Variants in HERC2 observed in about 807,000 individuals in gnomAD.
The protein encoded by HERC2 is E3 ubiquitin-protein ligase HERC2.
In HERC2, 102 loss-of-function variants were observed where a neutral mutation model predicts 537.7. That is an observed-to-expected ratio of 0.19 (90% confidence interval 0.16 to 0.22). HERC2 has a LOEUF of 0.22. HERC2 is among the 10% of genes least tolerant of loss of function. The pLI, the probability that HERC2 is intolerant of heterozygous loss-of-function variation, is 1.00. For missense variants in HERC2, 4,236 were observed against 6,198.2 expected (o/e 0.68, Z 10.63); for synonymous variants, 2,224 against 2,466.2 (o/e 0.90, Z 2.91).
intron 4 of HERC2, among the ~76,000 whole-genome samples, chr15:28,286,558 A>G (rs185943000): frequency 6.6e-6 from 1 of 152,350 alleles, no homozygotes; most frequent in African/African-American, 2.4e-5. Flanking sequence ...ACAAAATTCA[A>G]TACTCATGAA....
chr15:28,148,157 G>C (rs1460289583), intron 70 of HERC2, among the ~76,000 whole-genome samples: 1 of 151,930 alleles, frequency 6.6e-6, no homozygotes, highest in Non-Finnish European at 1.5e-5. Flanking sequence ...AAAACAAATT[G>C]AGTGAAATTA....
intron 2 of HERC2, among the ~76,000 whole-genome samples, chr15:28,315,007 T>C (rs973197757): frequency 3.3e-5 from 5 of 152,190 alleles, no homozygotes; most frequent in African/African-American, 1.2e-4. Context: ...ACGGCCCACA[T>C]AAACATTTAC....
At chr15:28,314,018 T>C (rs1416392144) in intron 2 of HERC2, among the ~76,000 whole-genome samples, 1 of 152,170 alleles carries the variant, frequency 6.6e-6, no homozygotes, top group Admixed American at 6.5e-5. Context: ...TAGACCAGCC[T>C]TTACGGAAAA....
Position 28,180,267 on chromosome 15 carries a change from A to C in HERC2, c.8938-1044T>G, listed in dbSNP as rs1198603741. On this transcript the variant is annotated intron_variant, in intron 57 of 92. Coordinates refer to ENST00000261609, the MANE Select transcript of HERC2 (RefSeq NM_004667.6). ...TTCCATGTTGTAGCCTAGAAGCAAC[A>C]GGCTATACCATATAGCCTGAGTGTG... Among the ~76,000 whole-genome samples, 3 of 152,368 alleles carry C rather than the reference A, an allele frequency of 2.0e-5. No individual in the cohort carries two copies. The East Asian group carries it at 5.8e-4, about 29-fold the overall frequency.
At chr15:28,262,859 T>A (rs2075451672) in intron 15 of HERC2, 59 bp downstream of exon 15, 1 of 1,544,636 alleles carries the variant, frequency 6.5e-7, no homozygotes, top group African/African-American at 1.4e-5. Context: ...CCTGCTAACT[T>A]TAAAACATTA....
intron 44 of HERC2, 68 bp downstream of exon 44, chr15:28,210,934 T>A (rs1899140960): frequency 1.9e-6 from 2 of 1,060,570 alleles, no homozygotes; most frequent in East Asian, 2.3e-5. Context: ...ATGAACTGAT[T>A]ATTCACTTCC....
intron 48 of HERC2, among the ~76,000 whole-genome samples, chr15:28,199,376 A>G (rs955562260): frequency 3.9e-5 from 6 of 152,162 alleles, no homozygotes; most frequent in African/African-American, 1.2e-4. Context: ...GAAACATCAC[A>G]CCCTAAAAGC....
Position 28,236,921 on chromosome 15 carries a change from A to G in HERC2, c.4003+42T>C, listed in dbSNP as rs756436168. On this transcript the variant is annotated intron_variant, in intron 26 of 92. Transcript: ENST00000261609. ...CTCTTAATGGCACTTACAGTTCAAA[A>G]AAAATAATCTGCTGATCAGCAAAAA... The G allele has an allele frequency of 5.2e-5, 84 of 1,602,302 alleles. 1 individual carries two copies. The South Asian group carries it at 8.9e-4, about 17-fold the overall frequency.
intron 55 of HERC2, 124 bp from the exon 56 acceptor site, chr15:28,186,876 T>C: frequency 1.7e-6 from 1 of 575,974 alleles, no homozygotes; most frequent in Non-Finnish European, 3.0e-6. Context: ...ACTTCAGTTC[T>C]GGAAATATCA....
chr15:28,129,719 C>T (rs1449289043), intron 83 of HERC2, among the ~76,000 whole-genome samples: 2 of 151,386 alleles, frequency 1.3e-5, no homozygotes, highest in East Asian at 1.9e-4. Context: ...CTGAAGATGA[C>T]AGGGCCAAAG....
intron 68 of HERC2, among the ~76,000 whole-genome samples, chr15:28,164,092 A>G (rs1271910206): frequency 6.6e-6 from 1 of 152,202 alleles, no homozygotes; most frequent in Non-Finnish European, 1.5e-5. Flanking sequence ...CCGACCCAGC[A>G]TGGGAACCGC....
intron 69 of HERC2, among the ~76,000 whole-genome samples, chr15:28,156,873 A>G (rs1893066358): frequency 6.6e-6 from 1 of 152,144 alleles, no homozygotes; most frequent in South Asian, 2.1e-4. Context: ...ATTCAGTATG[A>G]TATTGGCTGT....
At position 28,318,129 on chromosome 15, in the gene HERC2, A is replaced by C. The variant is rs530238342; in HGVS notation, c.72+3233T>G. On this transcript the variant is annotated intron_variant, in intron 2 of 92. Coordinates refer to ENST00000261609, the MANE Select transcript of HERC2 (RefSeq NM_004667.6). ...TTTAAGAATAAAAAGCTTTTAAGGT[A>C]TCATATATTGTTTTTTATAGTTCCT... 7.0e-4 allele frequency among the ~76,000 whole-genome samples: 107 copies of C among 152,308 alleles called. No individual in the cohort carries two copies. The South Asian group carries it at 0.01, about 15-fold the overall frequency.
At chr15:28,223,348 C>T (rs1459126256) in intron 35 of HERC2, among the ~76,000 whole-genome samples, 1 of 152,116 alleles carries the variant, frequency 6.6e-6, no homozygotes, top group Non-Finnish European at 1.5e-5. Flanking sequence ...GAAAAAGACC[C>T]AAACAGTCCC....
chr15:28,128,524 C>G (rs1482983825), intron 83 of HERC2, among the ~76,000 whole-genome samples: 1 of 152,182 alleles, frequency 6.6e-6, no homozygotes, highest in Non-Finnish European at 1.5e-5. Flanking sequence ...CCACTACAGG[C>G]CACAGAAGTT....
In HERC2 at chr15:28,228,219, A is replaced by T. The variant is rs763396275; in HGVS notation, c.5463T>A (p.Ile1821=). ...LALTQTALRL[I]GPSCDNVEED... The stretch of plus-strand genomic sequence containing the variant: ...GCGCTCAAGCGGGTGCAGACCTACC[A>T]ATCAGGCGCAGTGCCGTCTGCGTGA... Residue 1821 remains isoleucine, a splice_region_variant and synonymous_variant, in exon 35 of 93, where the codon ATT becomes ATA. Coordinates refer to ENST00000261609, the MANE Select transcript of HERC2 (RefSeq NM_004667.6). 1.9e-6 allele frequency: 3 copies of T among 1,613,272 alleles called. No individual in the cohort carries two copies. The highest frequency in any genetic ancestry group is 2.5e-6 in the Non-Finnish European group (3 of 1,179,730).
rs759873703 is a variant in HERC2, at chr15:28,256,179, C to T, written c.2656G>A (p.Ala886Thr). ...CAGCCACTCTGCAGCACGGCCTGGG[C>T]GGCCGACTGCACGGTGCTCAGCACG... ...AGVLSTVQSA[A>T]QAVLQSGWSV... Residue 886 changes from alanine to threonine, a missense_variant, in exon 18 of 93, where the codon GCC becomes ACC. Coordinates refer to ENST00000261609, the MANE Select transcript of HERC2 (RefSeq NM_004667.6). The T allele has an allele frequency of 6.2e-7, 1 of 1,601,404 alleles. No homozygotes were observed. The highest frequency in any genetic ancestry group is 8.5e-7 in the Non-Finnish European group (1 of 1,179,768).
rs745975998 is a variant in HERC2 at position 28,229,604 on chromosome 15, A to G, written c.4984-8T>C. On this transcript the variant is annotated splice_polypyrimidine_tract_variant and splice_region_variant and intron_variant, in intron 32 of 92. Transcript: ENST00000261609. ...AACCTCTGCTCTCTCCAACTGCAAA[A>G]TATCAATGCATACAGTTAAGTGTTA... 2 of 1,605,452 alleles carry G rather than the reference A, an allele frequency of 1.2e-6. No homozygotes were observed. Among genetic ancestry groups the G allele is most frequent in the Non-Finnish European group, 1.7e-6 (2 of 1,173,628 alleles).
In HERC2 at chr15:28,132,349, T is replaced by A. The variant is rs527415945; in HGVS notation, c.12409-88A>T. 3 of 1,247,168 alleles carry A rather than the reference T, an allele frequency of 2.4e-6. No individual in the cohort carries two copies. In the East Asian group the frequency reaches 7.8e-5, roughly 32 times the overall value. The allele number at this position is 1,247,168 out of a possible 1,614,324, so 77.3% of individuals were successfully genotyped here. The stretch of plus-strand genomic sequence containing the variant: ...CTTCACAACACTGCCATTCTTTTTT[T>A]ATGGGGGTACCTGTTTTAAGCCTTT... On this transcript the variant is annotated intron_variant, in intron 80 of 92. Transcript: ENST00000261609.
Sources: gnomAD v4.1 joint callset for allele counts (sites outside exome capture counted in the v4.1 genomes callset) on GRCh38, gnomAD v4.1.1 for gene constraint, MANE v1.5 for transcripts, NCBI Gene and HGNC (gene_info 2026-07-23, HGNC 2026-07-21) for gene names.